Variants in GALNT13 observed in about 807,000 individuals in gnomAD.
GALNT13 encodes the protein polypeptide N-acetylgalactosaminyltransferase 13, also known as UDP-GalNAc:polypeptide N-acetylgalactosaminyltransferase 13.
Under a neutral mutation model 64.2 loss-of-function variants are expected in GALNT13, and 28 were observed. The ratio of observed to expected loss-of-function variants is 0.44; its 90% CI spans 0.32 to 0.60. The LOEUF (loss-of-function observed/expected upper bound fraction) is 0.60, where lower values mean the gene tolerates loss of function less well. Ranked by LOEUF, GALNT13 falls within the 20% of genes least tolerant of loss-of-function variation. The pLI, the probability that GALNT13 is intolerant of heterozygous loss-of-function variation, is 0.05. For synonymous variants in GALNT13, 214 were observed against 224.6 expected, an observed-to-expected ratio of 0.95 and a Z score of 0.42; for missense variants, 577 against 669.8, an observed-to-expected ratio of 0.86 and a Z score of 1.53.
chr2:154,328,650 C>T (rs901318726), intron 9 of GALNT13, among the ~76,000 whole-genome samples: 1 of 152,072 alleles, frequency 6.6e-6, no homozygotes, highest in African/African-American at 2.4e-5. Flanking sequence ...TGTATTTCAA[C>T]CAATCATTCC....
chr2:153,652,077 T>C, the GALNT13 span, among the ~76,000 whole-genome samples: 1 of 152,290 alleles, frequency 6.6e-6, no homozygotes, highest in South Asian at 2.1e-4. Flanking sequence ...AAAAATTTTT[T>C]CCACCTAACC....
the GALNT13 span, among the ~76,000 whole-genome samples, chr2:153,289,698 T>C: frequency 6.6e-6 from 1 of 152,172 alleles, no homozygotes; most frequent in Non-Finnish European, 1.5e-5. Flanking sequence ...GACTATAGTA[T>C]CTCAGAGGTT....
intron 3 of GALNT13, among the ~76,000 whole-genome samples, chr2:154,062,934 G>A (rs971622363): frequency 2.0e-4 from 30 of 151,828 alleles, no homozygotes; most frequent in African/African-American, 6.3e-4. Context: ...AATTTTAACA[G>A]TCATTTAGCA....
At chr2:153,760,794 C>T in the GALNT13 span, among the ~76,000 whole-genome samples, 1 of 152,128 alleles carries the variant, frequency 6.6e-6, no homozygotes, top group South Asian at 2.1e-4. Flanking sequence ...TATTTTCTGT[C>T]TGAATGATTT....
chr2:154,406,295 C>G (rs1242260469), intron 10 of GALNT13, among the ~76,000 whole-genome samples: 2 of 152,252 alleles, frequency 1.3e-5, no homozygotes, highest in Admixed American at 1.3e-4. Flanking sequence ...GCTGGCATGA[C>G]TACAGTGGCC....
At chr2:153,345,701 TTC>T in the GALNT13 span, among the ~76,000 whole-genome samples, 155 of 94,544 alleles carry the variant, frequency 1.6e-3, 1 homozygote, top group Middle Eastern at 5.6e-3. Flanking sequence ...CTTTCTTTCT[TTC>T]TCTTTCTCTC....
the GALNT13 span, among the ~76,000 whole-genome samples, chr2:153,544,011 C>G: frequency 1.3e-5 from 2 of 152,154 alleles, no homozygotes; most frequent in East Asian, 3.9e-4. Flanking sequence ...ACTGGGAGCA[C>G]ACGTCATCAG....
At position 154,203,590 on chromosome 2, in the gene GALNT13, G is replaced by T. The variant is rs114347217; in HGVS notation, c.312-38440G>T. ...AGTCTGGAGGCTCTCCCTAACTCCTGATTTCCAGGGAACCCCCAATTCATC... is the reference window on the plus strand; with the variant it reads ...AGTCTGGAGGCTCTCCCTAACTCCTTATTTCCAGGGAACCCCCAATTCATC... On this transcript the variant is annotated intron_variant, in intron 4 of 12. Coordinates refer to ENST00000392825, the MANE Select transcript of GALNT13 (RefSeq NM_052917.4). 5.3e-3 allele frequency among the ~76,000 whole-genome samples: 804 copies of T among 152,170 alleles called. 8 individuals are homozygous for T. Among genetic ancestry groups the T allele is most frequent in the African/African-American group, 0.018 (755 of 41,536 alleles).
chr2:153,747,426 T>TTG, the GALNT13 span, among the ~76,000 whole-genome samples: 1 of 136,530 alleles, frequency 7.3e-6, no homozygotes, highest in South Asian at 2.5e-4. Flanking sequence ...CCTTTGGTTT[T>TTG]TTTTTTTTTT....
the GALNT13 span, among the ~76,000 whole-genome samples, chr2:153,138,800 G>T: frequency 9.2e-5 from 14 of 152,016 alleles, no homozygotes; most frequent in Non-Finnish European, 1.9e-4. Context: ...CTTGACTACT[G>T]GCAAGTGGTT....
intron 9 of GALNT13, among the ~76,000 whole-genome samples, chr2:154,310,964 A>AAGAATATATATTCAT (rs1694000262): frequency 1.3e-5 from 2 of 151,964 alleles, no homozygotes; most frequent in Non-Finnish European, 2.9e-5. Flanking sequence ...AGAATATTCT[A>AAGAATATATATTCAT]AGAATATATA....
At chr2:154,325,132 A>G (rs1241731735) in intron 9 of GALNT13, among the ~76,000 whole-genome samples, 1 of 151,622 alleles carries the variant, frequency 6.6e-6, no homozygotes, top group Non-Finnish European at 1.5e-5. Flanking sequence ...TGGCTCAGTG[A>G]GAAAGTAAAA....
intron 9 of GALNT13, among the ~76,000 whole-genome samples, chr2:154,384,603 CAT>C (rs1188365913): frequency 6.6e-6 from 1 of 151,778 alleles, no homozygotes; most frequent in Non-Finnish European, 1.5e-5. Context: ...GCTTTTAAAT[CAT>C]ATGTCATTCA....
intron 9 of GALNT13, among the ~76,000 whole-genome samples, chr2:154,376,619 A>T (rs937105434): frequency 6.6e-6 from 1 of 152,156 alleles, no homozygotes; most frequent in African/African-American, 2.4e-5. Context: ...AATTGTACTG[A>T]ATATCTTTTA....
the GALNT13 span, among the ~76,000 whole-genome samples, chr2:153,608,953 G>T: frequency 1.6e-5 from 2 of 123,622 alleles, no homozygotes; most frequent in Admixed American, 9.1e-5. Context: ...GTCTTGCTCT[G>T]TTGCCCAGGC....
chr2:153,665,933 G>A, the GALNT13 span, among the ~76,000 whole-genome samples: 14 of 152,260 alleles, frequency 9.2e-5, no homozygotes, highest in African/African-American at 3.1e-4. Flanking sequence ...GGACAGGGAT[G>A]CCCATCCCTC....
At chr2:153,682,321 C>T in the GALNT13 span, among the ~76,000 whole-genome samples, 3 of 151,642 alleles carry the variant, frequency 2.0e-5, no homozygotes, top group Admixed American at 6.6e-5. Context: ...TCTGTAATAT[C>T]GTAGTCGTAT....
chr2:153,509,405 C>A, the GALNT13 span, among the ~76,000 whole-genome samples: 1 of 152,230 alleles, frequency 6.6e-6, no homozygotes, highest in East Asian at 1.9e-4. Context: ...GGAGTCCCCG[C>A]AGCGGCTGCT....
At chr2:153,671,945 G>C in the GALNT13 span, among the ~76,000 whole-genome samples, 1 of 152,092 alleles carries the variant, frequency 6.6e-6, no homozygotes, top group African/African-American at 2.4e-5. Context: ...AAGATCAAAA[G>C]AGACAAAGAA....
Sources: allele counts gnomAD v4.1 joint callset (sites outside exome capture counted in the v4.1 genomes callset), GRCh38; gene constraint gnomAD v4.1.1; transcripts MANE v1.5; gene names NCBI Gene and HGNC (gene_info 2026-07-23, HGNC 2026-07-21).